CNTN3: variants seen among roughly 807,000 people sequenced by gnomAD.
CNTN3 encodes contactin-3.
A neutral mutation model predicts 119.1 loss-of-function variants in CNTN3; 60 were observed. That is an observed-to-expected ratio of 0.50 (90% confidence interval 0.41 to 0.62). The LOEUF (loss-of-function observed/expected upper bound fraction) is 0.62. CNTN3 is among the 20% of genes least tolerant of loss of function. The pLI, the probability that CNTN3 is intolerant of heterozygous loss-of-function variation, is 0.00. For missense variants in CNTN3, 1,101 were observed against 1,242.4 expected (o/e 0.89, Z 1.71); for synonymous variants, 450 against 438.7 (o/e 1.03, Z -0.32).
intron 1 of CNTN3, among the ~76,000 whole-genome samples, chr3:74,546,153 G>T (rs1183204000): frequency 6.6e-6 from 1 of 152,038 alleles, no homozygotes; most frequent in Non-Finnish European, 1.5e-5. Context: ...CCGCCAGTAT[G>T]CCCGGCTAAT....
intron 2 of CNTN3, among the ~76,000 whole-genome samples, chr3:74,509,042 C>G (rs942566208): frequency 1.3e-5 from 2 of 152,182 alleles, no homozygotes; most frequent in African/African-American, 4.8e-5. Context: ...AAGAGAAATA[C>G]TGTGTATTGC....
intron 1 of CNTN3, among the ~76,000 whole-genome samples, chr3:74,546,337 T>C (rs1465647390): frequency 3.9e-5 from 6 of 152,158 alleles, no homozygotes; most frequent in Non-Finnish European, 5.9e-5. Context: ...ATGGTTAATA[T>C]TGAGTGTCAA....
In CNTN3 at chr3:74,361,610, A is replaced by C. The variant is rs753836464; in HGVS notation, c.1364+280T>G. On this transcript the variant is annotated intron_variant, in intron 11 of 22. Transcript: ENST00000263665. ...CTTCTGGGATCAACATTCCTTCATC[A>C]TTCTGGTTGAGTCTTCCCAGCGATT... 9.9e-5 allele frequency among the ~76,000 whole-genome samples: 15 copies of C among 152,102 alleles called. 1 individual carries two copies. Among genetic ancestry groups the C allele is most frequent in the Non-Finnish European group, 1.6e-4 (11 of 68,026 alleles).
At chr3:74,332,976 G>C (rs985814059) in intron 13 of CNTN3, among the ~76,000 whole-genome samples, 8 of 152,212 alleles carry the variant, frequency 5.3e-5, no homozygotes, top group African/African-American at 1.7e-4. Flanking sequence ...TAGAGAGCTA[G>C]CTCAGAATAT....
intron 5 of CNTN3, among the ~76,000 whole-genome samples, chr3:74,398,290 AC>A (rs1705105700): frequency 6.6e-6 from 1 of 152,180 alleles, no homozygotes; most frequent in African/African-American, 2.4e-5. Context: ...TGCCACAATC[AC>A]CCCAACCTTC....
chr3:74,453,405 CT>C (rs1396019632), intron 4 of CNTN3, among the ~76,000 whole-genome samples: 1 of 152,084 alleles, frequency 6.6e-6, no homozygotes, highest in Non-Finnish European at 1.5e-5. Context: ...ATTCTTCTCT[CT>C]TTTTTTCTTT....
At chr3:74,509,052 C>A (rs75138033) in intron 2 of CNTN3, among the ~76,000 whole-genome samples, 3 of 152,072 alleles carry the variant, frequency 2.0e-5, no homozygotes, top group African/African-American at 4.8e-5. Flanking sequence ...CTGTGTATTG[C>A]CAAAAATGTT....
At chr3:74,505,566 C>T (rs1703244072) in intron 2 of CNTN3, among the ~76,000 whole-genome samples, 1 of 151,816 alleles carries the variant, frequency 6.6e-6, no homozygotes, top group African/African-American at 2.4e-5. Flanking sequence ...CAACCCAGAG[C>T]TCTCACATCT....
chr3:74,312,996 C>CA (rs551477269), intron 13 of CNTN3, among the ~76,000 whole-genome samples: 244 of 130,330 alleles, frequency 1.9e-3, no homozygotes, highest in South Asian at 5.6e-3. Flanking sequence ...GAACCAAAAA[C>CA]AAAAAAAAAA....
chr3:74,454,914 G>A (rs1331512395), intron 4 of CNTN3, among the ~76,000 whole-genome samples: 1 of 152,098 alleles, frequency 6.6e-6, no homozygotes, highest in Non-Finnish European at 1.5e-5. Flanking sequence ...TGGGTAACCC[G>A]ACCTTTCTCT....
chr3:74,391,225 A>G lies in CNTN3; in HGVS notation c.455-19826T>C, dbSNP rs553666332. Among the ~76,000 whole-genome samples the G allele has an allele frequency of 1.2e-4, 19 of 152,300 alleles. 1 individual carries two copies. The highest frequency in any genetic ancestry group is 1.1e-3 in the Admixed American group (17 of 15,298). On this transcript the variant is annotated intron_variant, in intron 5 of 22. Transcript: ENST00000263665. Reference sequence around the variant, plus strand: ...AAATGGGAGTTTTTCAGATTAAAGAAGATATGGAATATTATACTACCATAA... The same window carrying G: ...AAATGGGAGTTTTTCAGATTAAAGAGGATATGGAATATTATACTACCATAA...
At chr3:74,484,771 C>T (rs898622839) in intron 4 of CNTN3, among the ~76,000 whole-genome samples, 2 of 152,084 alleles carry the variant, frequency 1.3e-5, no homozygotes, top group Non-Finnish European at 1.5e-5. Context: ...AGCACTAGTT[C>T]CAGAAGACAA....
intron 11 of CNTN3, among the ~76,000 whole-genome samples, chr3:74,337,873 T>C (rs966066943): frequency 5.3e-5 from 8 of 151,844 alleles, no homozygotes; most frequent in Admixed American, 5.3e-4. Flanking sequence ...GGAGGAAGGG[T>C]TTCTAGGATA....
intron 13 of CNTN3, among the ~76,000 whole-genome samples, chr3:74,319,972 C>T (rs1250313624): frequency 6.6e-6 from 1 of 152,124 alleles, no homozygotes; most frequent in African/African-American, 2.4e-5. Flanking sequence ...AATGAGATAC[C>T]ATCTCACACC....
intron 1 of CNTN3, among the ~76,000 whole-genome samples, chr3:74,584,771 G>T (rs1430799160): frequency 6.6e-6 from 1 of 152,110 alleles, no homozygotes; most frequent in African/African-American, 2.4e-5. Context: ...CTATTAAATA[G>T]ATACTATTAT....
chr3:74,460,788 T>C (rs201439386), intron 4 of CNTN3, among the ~76,000 whole-genome samples: 2 of 55,024 alleles, frequency 3.6e-5, no homozygotes, highest in Non-Finnish European at 7.5e-5. Flanking sequence ...TATATATATA[T>C]ATATATATAT....
intron 1 of CNTN3, among the ~76,000 whole-genome samples, chr3:74,566,966 A>G (rs1348161876): frequency 6.6e-6 from 1 of 152,086 alleles, no homozygotes; most frequent in Non-Finnish European, 1.5e-5. Context: ...GCTGAATCCA[A>G]TTAGAATTTC....
chr3:74,283,921 G>A lies in CNTN3; in HGVS notation c.2704+1384C>T, dbSNP rs191386717. 2.0e-5 allele frequency among the ~76,000 whole-genome samples: 3 copies of A among 152,254 alleles called. No homozygotes were observed. The East Asian group carries it at 5.8e-4, about 29-fold the overall frequency. ...CCTATAATAATTAGATAAGGATCAT[G>A]TTAAATTGTTACATTAGTCGGTTGC... On this transcript the variant is annotated intron_variant, in intron 20 of 22. Transcript: ENST00000263665.
At chr3:74,270,327 G>T (rs1461551082) in intron 20 of CNTN3, among the ~76,000 whole-genome samples, 3 of 152,186 alleles carry the variant, frequency 2.0e-5, no homozygotes, top group Admixed American at 2.0e-4. Flanking sequence ...TCATTGAAGA[G>T]TATGGTTTGC....
Sources: gnomAD v4.1 joint callset for allele counts (sites outside exome capture counted in the v4.1 genomes callset) on GRCh38, gnomAD v4.1.1 for gene constraint, MANE v1.5 for transcripts, NCBI Gene and HGNC (gene_info 2026-07-23, HGNC 2026-07-21) for gene names.